Variants in CTSC observed in about 807,000 individuals in gnomAD.
CTSC encodes dipeptidyl peptidase 1.
In CTSC, 37 loss-of-function variants were observed where a neutral mutation model predicts 40.9. The ratio of observed to expected loss-of-function variants is 0.91; its 90% CI spans 0.70 to 1.19. The LOEUF (loss-of-function observed/expected upper bound fraction) is 1.19, where lower values mean the gene tolerates loss of function less well. Ranked by LOEUF, CTSC falls within the 50% of genes most tolerant of loss-of-function variation. The probability of loss-of-function intolerance (pLI) is 0.00; values close to 1 mark genes in which losing one functional copy is unlikely to be tolerated. For synonymous variants in CTSC, 232 were observed against 207.4 expected (o/e 1.12, Z -1.02); for missense variants, 594 against 567.3 (o/e 1.05, Z -0.48).
intron 4 of CTSC, among the ~76,000 whole-genome samples, chr11:88,305,507 C>T (rs1022795908): frequency 6.6e-6 from 1 of 152,194 alleles, no homozygotes; most frequent in Non-Finnish European, 1.5e-5. Flanking sequence ...CTTTACAAAT[C>T]TAGTGAAAGC....
chr11:88,309,333 G>A lies in CTSC; in HGVS notation c.486-15C>T, dbSNP rs1181407447. Reference sequence around the variant, plus strand: ...TATTAGAATACCTGTCCCCAAAAATGAGATAATTTCAGATATAGTCTTTAC... The same window carrying A: ...TATTAGAATACCTGTCCCCAAAAATAAGATAATTTCAGATATAGTCTTTAC... On this transcript the variant is annotated splice_polypyrimidine_tract_variant and intron_variant, in intron 3 of 6. Coordinates refer to ENST00000227266, the MANE Select transcript of CTSC (RefSeq NM_001814.6). The A allele has an allele frequency of 6.2e-7, 1 of 1,606,188 alleles. No homozygotes were observed. Among genetic ancestry groups the A allele is most frequent in the Non-Finnish European group, 8.5e-7 (1 of 1,173,098 alleles).
chr11:88,313,926 C>T (rs929596988), intron 2 of CTSC, among the ~76,000 whole-genome samples: 1 of 152,170 alleles, frequency 6.6e-6, no homozygotes, highest in East Asian at 1.9e-4. Context: ...AGTTCTCTTG[C>T]AACTGTTCAA....
intron 4 of CTSC, among the ~76,000 whole-genome samples, chr11:88,302,576 A>T (rs1419646177): frequency 1.4e-5 from 2 of 143,884 alleles, no homozygotes; most frequent in East Asian, 4.3e-4. Flanking sequence ...CAGTGAGCCG[A>T]GATTGCACCA....
At chr11:88,322,183 C>G (rs1442596753) in intron 2 of CTSC, 1 of 152,070 alleles carries the variant, frequency 6.6e-6, no homozygotes, top group Non-Finnish European at 1.5e-5. Flanking sequence ...AAATTTTCTC[C>G]CATTCTGTTG....
Position 88,324,484 on chromosome 11 carries a change from T to A in CTSC, c.318+10453A>T. Reference sequence around the variant, plus strand: ...GATGTATATGGCACCATTCCTGATTTGTCTTTCTAGAATCCTACAAAATTA... The same window carrying A: ...GATGTATATGGCACCATTCCTGATTAGTCTTTCTAGAATCCTACAAAATTA... On this transcript the variant is annotated intron_variant, in intron 2 of 6. Transcript: ENST00000227266. 3.1e-6 allele frequency: 3 copies of A among 982,844 alleles called. No homozygotes were observed. In the South Asian group the frequency reaches 1.4e-4, roughly 46 times the overall value. 60.9% of individuals were successfully genotyped at this position (982,844 alleles called of 1,614,324 possible).
chr11:88,301,808 GCGCACACACACACACACA>G (rs930153648), intron 4 of CTSC, among the ~76,000 whole-genome samples: 2 of 119,476 alleles, frequency 1.7e-5, no homozygotes, highest in Admixed American at 1.8e-4. Flanking sequence ...AAACACACGC[GCGCACACACACACACACA>G]CACACACACA....
At chr11:88,311,005 G>A (rs1216280643) in intron 3 of CTSC, among the ~76,000 whole-genome samples, 1 of 151,970 alleles carries the variant, frequency 6.6e-6, no homozygotes, top group Non-Finnish European at 1.5e-5. Flanking sequence ...ATTATTTTTG[G>A]TGTTTAAGAT....
Position 88,330,123 on chromosome 11 carries a change from A to G in CTSC, c.318+4814T>C, listed in dbSNP as rs992960121. 8.5e-5 allele frequency among the ~76,000 whole-genome samples: 13 copies of G among 152,344 alleles called. No homozygotes were observed. The Middle Eastern group carries it at 0.01, about 120-fold the overall frequency. On this transcript the variant is annotated intron_variant, in intron 2 of 6. Coordinates refer to ENST00000227266, the MANE Select transcript of CTSC (RefSeq NM_001814.6). ...TAATCTTAGAAACTGGCCTGTAGAT[A>G]GTATTGTCTTTTGTTTTGGCCAGCC...
intron 6 of CTSC, 54 bp from the exon 7 acceptor site, chr11:88,294,562 T>C (rs1287699149): frequency 6.3e-7 from 1 of 1,591,194 alleles, no homozygotes; most frequent in East Asian, 2.2e-5. Flanking sequence ...GATTATCCCA[T>C]TTTCTATTTT....
At chr11:88,313,488 A>C (rs1482381824) in intron 2 of CTSC, among the ~76,000 whole-genome samples, 3 of 152,132 alleles carry the variant, frequency 2.0e-5, no homozygotes, top group Admixed American at 1.3e-4. Flanking sequence ...CTTTTGTCTT[A>C]TTTCAGTGTT....
rs368815786 is a variant in CTSC, at chr11:88,311,565, GATTTA to G, written c.485+818_485+822del. 3.2e-3 allele frequency among the ~76,000 whole-genome samples: 491 copies of G among 152,270 alleles called. 5 individuals carry two copies. The highest frequency in any genetic ancestry group is 0.011 in the African/African-American group (454 of 41,548). ...TGTTTGTGTGGTTTAGTCAGTTATA[GATTTA>G]ATTTAACAGTAAACATTAACTGCAG... On this transcript the variant is annotated intron_variant, in intron 3 of 6. Coordinates refer to ENST00000227266, the MANE Select transcript of CTSC (RefSeq NM_001814.6).
intron 2 of CTSC, chr11:88,324,781 A>G: frequency 2.0e-6 from 2 of 985,418 alleles, no homozygotes; most frequent in Non-Finnish European, 2.4e-6. Flanking sequence ...AGGGTTTCAG[A>G]GAGCAGCGTC....
intron 2 of CTSC, among the ~76,000 whole-genome samples, chr11:88,317,672 T>C (rs968997427): frequency 3.9e-5 from 6 of 152,214 alleles, no homozygotes; most frequent in Non-Finnish European, 8.8e-5. Flanking sequence ...ATTTCTGACG[T>C]TGTATCACCA....
intron 2 of CTSC, among the ~76,000 whole-genome samples, chr11:88,329,542 T>A (rs1297571706): frequency 6.7e-6 from 1 of 150,062 alleles, no homozygotes; most frequent in African/African-American, 2.4e-5. Flanking sequence ...ACTTCCTGTC[T>A]CTGGGCAATT....
At chr11:88,326,822 AG>A (rs1938206784) in intron 2 of CTSC, among the ~76,000 whole-genome samples, 1 of 152,220 alleles carries the variant, frequency 6.6e-6, no homozygotes, top group Non-Finnish European at 1.5e-5. Flanking sequence ...CCACATGACT[AG>A]GTACTAGGCT....
rs199505735 is a variant in CTSC, at chr11:88,310,727, TATC to T, written c.486-1412_486-1410del. Reference sequence around the variant, plus strand: ...CCTTATCAAGCAGATTATAAAACTGTATCATATGTATGACTACACTAACACAAT... The same window carrying T: ...CCTTATCAAGCAGATTATAAAACTGTATATGTATGACTACACTAACACAAT... On this transcript the variant is annotated intron_variant, in intron 3 of 6. Coordinates refer to ENST00000227266, the MANE Select transcript of CTSC (RefSeq NM_001814.6). Among the ~76,000 whole-genome samples, 615 of 152,346 alleles carry T rather than the reference TATC, an allele frequency of 4.0e-3. 5 individuals are homozygous for T. The highest frequency in any genetic ancestry group is 0.014 in the African/African-American group (599 of 41,578).
At chr11:88,321,767 G>T (rs1938020037) in intron 2 of CTSC, 1 of 152,090 alleles carries the variant, frequency 6.6e-6, no homozygotes, top group Non-Finnish European at 1.5e-5. Context: ...CTTTGTAATA[G>T]AATGATTTCT....
intron 2 of CTSC, among the ~76,000 whole-genome samples, chr11:88,332,522 C>T (rs1377571768): frequency 6.6e-6 from 1 of 152,186 alleles, no homozygotes; most frequent in South Asian, 2.1e-4. Flanking sequence ...TTTTTAAACT[C>T]TGTTTCCCAT....
Position 88,294,407 on chromosome 11 carries a change from A to G in CTSC, c.991T>C (p.Cys331Arg). 6.2e-7 allele frequency: 1 copy of G among 1,614,134 alleles called. No individual in the cohort carries two copies. The highest frequency in any genetic ancestry group is 8.5e-7 in the Non-Finnish European group (1 of 1,180,012). Residue 331 changes from cysteine (C) to arginine (R), a missense_variant, in exon 7 of 7, where the codon TGC (cysteine) becomes CGC (arginine). Transcript: ENST00000227266. Reference sequence around the variant, plus strand: ...CGAAAGCAGTCTTCCTTCATTTTGCATGGAGAATCAGTGCCTGTGTAGGGG... The same window carrying G: ...CGAAAGCAGTCTTCCTTCATTTTGCGTGGAGAATCAGTGCCTGTGTAGGGG... ...CFPYTGTDSP[C>R]KMKEDCFRYY...
Sources: gnomAD v4.1 joint callset for allele counts (sites outside exome capture counted in the v4.1 genomes callset) on GRCh38, gnomAD v4.1.1 for gene constraint, MANE v1.5 for transcripts, NCBI Gene and HGNC (gene_info 2026-07-23, HGNC 2026-07-21) for gene names.